Variants in PCNX2 observed in about 807,000 individuals in gnomAD.
PCNX2 encodes pecanex 2.
In PCNX2, 168 loss-of-function variants were observed where a neutral mutation model predicts 223.8. The observed-to-expected ratio is 0.75, with a 90% CI of 0.66 to 0.85. The LOEUF is 0.85. Among genes scored for constraint, PCNX2 ranks in the 40% least tolerant of loss-of-function variants. The pLI, the probability that PCNX2 is intolerant of heterozygous loss-of-function variation, is 0.00. For missense variants in PCNX2, 2,507 were observed against 2,675.5 expected, an observed-to-expected ratio of 0.94 and a Z score of 1.39; for synonymous variants, 1,006 against 1,052.6, an observed-to-expected ratio of 0.96 and a Z score of 0.86.
the PCNX2 span, among the ~76,000 whole-genome samples, chr1:233,325,608 G>C: frequency 3.3e-5 from 5 of 152,148 alleles, no homozygotes; most frequent in African/African-American, 1.2e-4. Flanking sequence ...CCCAGGAGGC[G>C]GAGCTTGCAT....
the PCNX2 span, among the ~76,000 whole-genome samples, chr1:233,317,208 G>T: frequency 6.6e-6 from 1 of 152,302 alleles, no homozygotes; most frequent in East Asian, 1.9e-4. Context: ...GAGGTCAGGA[G>T]TTCAAAACCA....
chr1:233,191,845 G>A (rs748197751), intron 15 of PCNX2, among the ~76,000 whole-genome samples: 6 of 152,306 alleles, frequency 3.9e-5, no homozygotes, highest in Admixed American at 6.5e-5. Context: ...TCCTGCTGTC[G>A]TAGAGGCGGC....
At chr1:233,127,667 A>G (rs1343647339) in intron 21 of PCNX2, among the ~76,000 whole-genome samples, 1 of 152,094 alleles carries the variant, frequency 6.6e-6, no homozygotes, top group Non-Finnish European at 1.5e-5. Context: ...TAGCTAAGAG[A>G]CTTTCTGGCA....
chr1:233,172,336 G>A (rs977072252), intron 17 of PCNX2: 13 of 983,450 alleles, frequency 1.3e-5, no homozygotes, highest in Admixed American at 1.2e-4. Context: ...GCCATGAGGC[G>A]TTTCCAATTG....
chr1:233,123,028 A>G (rs1675894111), intron 21 of PCNX2, among the ~76,000 whole-genome samples: 1 of 152,192 alleles, frequency 6.6e-6, no homozygotes, highest in Non-Finnish European at 1.5e-5. Context: ...AGCCAAGAGG[A>G]GCCTAAGGAA....
chr1:232,994,450 G>T (rs1289748798), intron 32 of PCNX2, among the ~76,000 whole-genome samples: 2 of 152,196 alleles, frequency 1.3e-5, no homozygotes, highest in Non-Finnish European at 2.9e-5. Flanking sequence ...TTGTATCTTT[G>T]AAGTAACTAA....
chr1:233,248,475 G>A (rs924883417), intron 8 of PCNX2, among the ~76,000 whole-genome samples: 3 of 152,076 alleles, frequency 2.0e-5, no homozygotes, highest in Admixed American at 2.0e-4. Flanking sequence ...ACGAGATCTA[G>A]GGTAACGACA....
intron 25 of PCNX2, 89 bp from the exon 26 acceptor site, chr1:233,025,488 G>A (rs537502646): frequency 1.3e-6 from 2 of 1,516,830 alleles, no homozygotes; most frequent in East Asian, 2.3e-5. Context: ...TCATCAGAGG[G>A]GAAGAGGCTG....
chr1:233,139,781 C>A lies in PCNX2; in HGVS notation c.3592G>T (p.Ala1198Ser), dbSNP rs1434237943. 2 of 1,612,742 alleles carry A rather than the reference C, an allele frequency of 1.2e-6. No individual in the cohort carries two copies. The highest frequency in any genetic ancestry group is 1.7e-6 in the Non-Finnish European group (2 of 1,179,442). ...ATAGTGAGGGCATTCAAAATTAGCG[C>A]TGGGTACAAGATGTATTTTTCAAAA... The part of the protein sequence containing the change: ...QCFEKYILYP[A>S]LILNALTIDA... The change falls in exon 20 of 34, where the codon GCG becomes TCG. Residue 1198 changes from alanine (A) to serine (S), a missense_variant. Physicochemically the swap from Ala to Ser is moderately conservative, Grantham distance 99. Transcript: ENST00000258229. The surrounding 1 kb of genome is among the most constrained non-coding windows in gnomAD (Gnocchi z 4.4).
the PCNX2 span, among the ~76,000 whole-genome samples, chr1:233,320,795 C>T: frequency 6.6e-6 from 1 of 152,066 alleles, no homozygotes; most frequent in Non-Finnish European, 1.5e-5. Flanking sequence ...CATCTCATTA[C>T]CCAATATCAA....
intron 28 of PCNX2, among the ~76,000 whole-genome samples, chr1:233,004,152 GAATTC>G (rs1286359590): frequency 1.3e-5 from 2 of 151,336 alleles, no homozygotes; most frequent in Non-Finnish European, 2.9e-5. Context: ...AAAAAAAAAA[GAATTC>G]AATTCCATTG....
chr1:233,190,249 A>T (rs1203735133), intron 15 of PCNX2, among the ~76,000 whole-genome samples: 1 of 152,234 alleles, frequency 6.6e-6, no homozygotes, highest in Non-Finnish European at 1.5e-5. Context: ...AAGAGTAAGC[A>T]TAAAAGGCAT....
At chr1:233,294,824 T>C (rs1661974716) in intron 1 of PCNX2, among the ~76,000 whole-genome samples, 1 of 142,770 alleles carries the variant, frequency 7.0e-6, no homozygotes, top group Non-Finnish European at 1.5e-5. Flanking sequence ...CATAGTGGTG[T>C]AGAAATTACA....
At chr1:233,143,043 A>G (rs1377895112) in intron 19 of PCNX2, among the ~76,000 whole-genome samples, 2 of 152,194 alleles carry the variant, frequency 1.3e-5, no homozygotes, top group African/African-American at 4.8e-5. Flanking sequence ...ACTCAAATCT[A>G]TAACTCAATA....
At chr1:233,309,267 C>T in the PCNX2 span, among the ~76,000 whole-genome samples, 3 of 152,120 alleles carry the variant, frequency 2.0e-5, no homozygotes, top group Non-Finnish European at 4.4e-5. Flanking sequence ...TATGGCCGGG[C>T]GCGGTGGCTC....
intron 1 of PCNX2, among the ~76,000 whole-genome samples, chr1:233,293,501 C>T (rs1471053714): frequency 6.6e-6 from 1 of 152,096 alleles, no homozygotes; most frequent in Admixed American, 6.5e-5. Flanking sequence ...CAACTAAGTA[C>T]CAGACAGAAT....
intron 1 of PCNX2, among the ~76,000 whole-genome samples, chr1:233,279,389 TTGTGTGTGTGTGTGTGTGTGTG>T (rs57288356): frequency 1.4e-5 from 2 of 142,592 alleles, no homozygotes; most frequent in African/African-American, 5.1e-5. Context: ...TAATTTGTGT[TTGTGTGTGTGTGTGTGTGTGTG>T]TGTGTGTGTG....
intron 23 of PCNX2, among the ~76,000 whole-genome samples, chr1:233,080,439 T>A (rs1673306395): frequency 6.6e-6 from 1 of 151,448 alleles, no homozygotes; most frequent in Admixed American, 6.6e-5. Flanking sequence ...CATGCACGCA[T>A]CTTGTCTTAG....
chr1:233,286,431 C>T (rs1326982364), intron 1 of PCNX2, among the ~76,000 whole-genome samples: 1 of 152,146 alleles, frequency 6.6e-6, no homozygotes, highest in Non-Finnish European at 1.5e-5. Flanking sequence ...GACTGGCTGG[C>T]TAGCTGCTTT....
Sources: allele counts gnomAD v4.1 joint callset (sites outside exome capture counted in the v4.1 genomes callset), GRCh38; gene constraint gnomAD v4.1.1; non-coding constraint Gnocchi (gnomAD v3.1); transcripts MANE v1.5; gene names NCBI Gene and HGNC (gene_info 2026-07-23, HGNC 2026-07-21).